Variants in CHRNA5 observed in about 807,000 individuals in gnomAD.
CHRNA5 encodes the protein cholinergic receptor nicotinic alpha 5 subunit.
A neutral mutation model predicts 41.2 loss-of-function variants in CHRNA5; 28 were observed. The ratio of observed to expected loss-of-function variants is 0.68; its 90% CI spans 0.50 to 0.93. The LOEUF (loss-of-function observed/expected upper bound fraction) is 0.93, where lower values mean the gene tolerates loss of function less well. Ranked by LOEUF, CHRNA5 falls within the 40% of genes least tolerant of loss-of-function variation. The pLI, the probability that CHRNA5 is intolerant of heterozygous loss-of-function variation, is 0.00. For missense variants in CHRNA5, 481 were observed against 581.9 expected (o/e 0.83, Z 1.78); for synonymous variants, 188 against 205.8 (o/e 0.91, Z 0.74).
chr15:78,565,819 CAG>C lies in CHRNA5; in HGVS notation c.105_106del (p.Gly36IlefsTer3), dbSNP rs1351884920. On this transcript the variant is annotated frameshift_variant, in exon 1 of 6. Coordinates refer to ENST00000299565, the Ensembl canonical transcript of CHRNA5. LOFTEE classifies it high-confidence loss of function. ...TCTAGCGGGCGCGGCGGGCGGCGCGCAGAGAGGTAAGCCCGGGCTGCAGAGGG... is the reference window on the plus strand; with the variant it reads ...TCTAGCGGGCGCGGCGGGCGGCGCGCAGAGGTAAGCCCGGGCTGCAGAGGG... The C allele has an allele frequency of 8.2e-7, 1 of 1,220,054 alleles. No homozygotes were observed. Among genetic ancestry groups the C allele is most frequent in the African/African-American group, 1.6e-5 (1 of 63,044 alleles). The allele number at this position is 1,220,054 out of a possible 1,614,324, so 75.6% of individuals were successfully genotyped here. A position where few individuals can be genotyped will look rare whatever the true frequency, so the allele number is the denominator to read the frequency against.
At chr15:78,574,102 C>T (rs112973744) in intron 1 of CHRNA5, among the ~76,000 whole-genome samples, 5,952 of 150,966 alleles carry the variant, frequency 0.039, 358 homozygotes, top group African/African-American at 0.12. Context: ...CGTGAGCCAC[C>T]GTGCCCGGCC....
chr15:78,594,940 TCAC>T (rs1313229820), exon 6 of CHRNA5: 3 of 152,316 alleles, frequency 2.0e-5, no homozygotes, highest in Non-Finnish European at 4.4e-5. Context: ...TCTCTAAATG[TCAC>T]CACTTCAGGT....
At position 78,590,580 on chromosome 15, in the gene CHRNA5, C is replaced by T; in HGVS notation, c.1189C>T (p.Leu397Phe). Residue 397 changes from leucine to phenylalanine, a missense_variant, in exon 5 of 6, where the codon CTC (leucine) becomes TTC (phenylalanine). Coordinates refer to ENST00000299565, the Ensembl canonical transcript of CHRNA5. ...TTCTAGAAACACATTGGAAGCTGCG[C>T]TCGATTCTATTCGCTACATTACAAG... 5.0e-6 allele frequency: 8 copies of T among 1,614,176 alleles called. No homozygotes were observed. The highest frequency in any genetic ancestry group is 5.9e-6 in the Non-Finnish European group (7 of 1,180,032).
intron 5 of CHRNA5, 137 bp from the exon 6 acceptor site, chr15:78,592,955 T>C: frequency 1.0e-6 from 1 of 976,382 alleles, no homozygotes; most frequent in Non-Finnish European, 1.5e-6. Flanking sequence ...CTGAGCTGAG[T>C]ATAGGGTCAC....
intron 1 of CHRNA5, among the ~76,000 whole-genome samples, chr15:78,580,534 T>G (rs1220080091): frequency 1.3e-5 from 2 of 152,072 alleles, no homozygotes; most frequent in Non-Finnish European, 1.5e-5. Context: ...TGAACCAGAG[T>G]GTCCCTTATT....
intron 5 of CHRNA5, chr15:78,590,855 C>T (rs1164041659): frequency 3.8e-6 from 2 of 533,066 alleles, no homozygotes; most frequent in Non-Finnish European, 6.6e-6. Flanking sequence ...CTCACTTCTC[C>T]ACTTCCCCCA....
chr15:78,585,777 CT>C lies in CHRNA5; in HGVS notation c.259-864del, dbSNP rs1454473193. Among the ~76,000 whole-genome samples, 3 of 98,792 alleles carry C rather than the reference CT, an allele frequency of 3.0e-5. No homozygotes were observed. In the Admixed American group the frequency reaches 3.9e-4, roughly 13 times the overall value. The allele number at this position is 98,792 out of a possible 152,430, so 64.8% of individuals were successfully genotyped here. A position where few individuals can be genotyped will look rare whatever the true frequency, so the allele number is the denominator to read the frequency against. On this transcript the variant is annotated intron_variant, in intron 2 of 5. Coordinates refer to ENST00000299565, the Ensembl canonical transcript of CHRNA5. ...GCCAATATTTTTTCTTTTTCTTTTT[CT>C]TTTCTTTTCTTTCTTTTTTTTTTTG... is the stretch of plus-strand genomic sequence containing the variant.
chr15:78,578,152 G>A (rs959270099), intron 1 of CHRNA5, among the ~76,000 whole-genome samples: 1 of 152,126 alleles, frequency 6.6e-6, no homozygotes, highest in African/African-American at 2.4e-5. Flanking sequence ...TTCAGCATAA[G>A]GTGACTTTTA....
chr15:78,590,665 T>G (rs776789728), intron 5 of CHRNA5, 29 bp downstream of exon 5: 3 of 1,546,492 alleles, frequency 1.9e-6, no homozygotes, highest in Non-Finnish European at 2.6e-6. Context: ...CAAATGCAGA[T>G]CTTCTTCCAT....
At position 78,587,751 on chromosome 15, in the gene CHRNA5, C is replaced by T. The variant is rs183968185; in HGVS notation, c.304-563C>T. 1.8e-3 allele frequency among the ~76,000 whole-genome samples: 279 copies of T among 152,140 alleles called. 1 individual carries two copies. The highest frequency in any genetic ancestry group is 6.9e-4 in the Non-Finnish European group (47 of 68,004). Reference sequence around the variant, plus strand: ...TACATATGTCCTAACTGCTGTTGAGCGCTTCCTTTTGTTTTTATCATCCCT... The same window carrying T: ...TACATATGTCCTAACTGCTGTTGAGTGCTTCCTTTTGTTTTTATCATCCCT... On this transcript the variant is annotated intron_variant, in intron 3 of 5. Transcript: ENST00000299565.
chr15:78,586,793 C>G, intron 3 of CHRNA5, 104 bp downstream of exon 3: 2 of 834,776 alleles, frequency 2.4e-6, no homozygotes, highest in South Asian at 1.6e-5. Flanking sequence ...TTTGTGAATA[C>G]AAATGAATAC....
At chr15:78,582,330 A>G (rs1014598155) in intron 2 of CHRNA5, among the ~76,000 whole-genome samples, 1 of 152,118 alleles carries the variant, frequency 6.6e-6, no homozygotes, top group Non-Finnish European at 1.5e-5. Context: ...TATCAAAAAT[A>G]CAAAAATTAG....
intron 1 of CHRNA5, among the ~76,000 whole-genome samples, chr15:78,571,142 TGGTC>T (rs1339489878): frequency 6.6e-6 from 1 of 152,220 alleles, no homozygotes; most frequent in Non-Finnish European, 1.5e-5. Flanking sequence ...TGAATACTGT[TGGTC>T]AGTGTATCAC....
intron 2 of CHRNA5, among the ~76,000 whole-genome samples, chr15:78,585,030 C>T (rs2052946123): frequency 6.6e-6 from 1 of 152,126 alleles, no homozygotes; most frequent in African/African-American, 2.4e-5. Flanking sequence ...AGCGGTTCTC[C>T]CACCTCAGCC....
At chr15:78,582,077 A>G (rs1327067790) in intron 2 of CHRNA5, among the ~76,000 whole-genome samples, 2 of 152,178 alleles carry the variant, frequency 1.3e-5, no homozygotes, top group African/African-American at 4.8e-5. Context: ...TTCAAAGTCT[A>G]TTGCTATGTC....
intron 1 of CHRNA5, 150 bp from the exon 2 acceptor site, chr15:78,580,661 G>T: frequency 2.2e-6 from 1 of 451,846 alleles, no homozygotes. Flanking sequence ...TTTTGAGACA[G>T]AGTCTCTCTC....
exon 6 of CHRNA5, chr15:78,593,230 C>A: frequency 1.2e-6 from 2 of 1,610,982 alleles, no homozygotes; most frequent in Non-Finnish European, 1.7e-6. Context: ...AATACCAGTT[C>A]ATATTGGAAA....
intron 1 of CHRNA5, among the ~76,000 whole-genome samples, chr15:78,579,340 G>A (rs1348973349): frequency 2.0e-5 from 3 of 152,148 alleles, no homozygotes; most frequent in Admixed American, 2.0e-4. Flanking sequence ...TGCAACCTCT[G>A]TCTCCCGGGC....
exon 6 of CHRNA5, chr15:78,593,167 G>A: frequency 6.2e-7 from 1 of 1,613,824 alleles, no homozygotes; most frequent in East Asian, 2.2e-5. Flanking sequence ...CGTTTCAATT[G>A]TTGGATCTCT....
Sources: gnomAD v4.1 joint callset for allele counts (sites outside exome capture counted in the v4.1 genomes callset) on GRCh38, gnomAD v4.1.1 for gene constraint, MANE v1.5 for transcripts, NCBI Gene and HGNC (gene_info 2026-07-23, HGNC 2026-07-21) for gene names.